Variants in AMPH observed in about 807,000 individuals in gnomAD.
AMPH encodes the protein amphiphysin (Stiff-Mann syndrome with breast cancer 128kD autoantigen).
A neutral mutation model predicts 99.1 loss-of-function variants in AMPH; 49 were observed. That is an observed-to-expected ratio of 0.49 (90% CI 0.39 to 0.63). The LOEUF (loss-of-function observed/expected upper bound fraction) is 0.63, where lower values mean the gene tolerates loss of function less well. AMPH is among the 20% of genes least tolerant of loss of function. AMPH has a pLI of 0.00. For synonymous variants in AMPH, 314 were observed against 317.3 expected (o/e 0.99, Z 0.11); for missense variants, 759 against 863.4 (o/e 0.88, Z 1.52).
intron 1 of AMPH, among the ~76,000 whole-genome samples, chr7:38,570,012 C>T (rs530988139): frequency 1.2e-4 from 18 of 152,236 alleles, no homozygotes; most frequent in African/African-American, 4.3e-4. Context: ...AAAAATCTTA[C>T]ACAACACTGT....
intron 12 of AMPH, among the ~76,000 whole-genome samples, chr7:38,435,317 C>A (rs578176064): frequency 6.6e-6 from 1 of 152,254 alleles, no homozygotes; most frequent in African/African-American, 2.4e-5. Context: ...TATTAAGGTT[C>A]ATATTGAGCC....
At chr7:38,440,974 T>C (rs1316892852) in intron 11 of AMPH, among the ~76,000 whole-genome samples, 1 of 152,000 alleles carries the variant, frequency 6.6e-6, no homozygotes, top group Non-Finnish European at 1.5e-5. Context: ...AAGGCAGAGA[T>C]TATCTAATTG....
At chr7:38,427,028 T>G (rs748661419) in intron 14 of AMPH, 42 bp from the exon 15 acceptor site, 9 of 1,571,418 alleles carry the variant, frequency 5.7e-6, no homozygotes, top group Non-Finnish European at 7.9e-6. Flanking sequence ...TATTTTTCAT[T>G]ATCATTTTGT....
intron 1 of AMPH, among the ~76,000 whole-genome samples, chr7:38,616,511 G>A (rs1407857222): frequency 6.6e-6 from 1 of 152,054 alleles, no homozygotes; most frequent in African/African-American, 2.4e-5. Context: ...ATAAATAAGT[G>A]GTTTTTTCTA....
intron 1 of AMPH, among the ~76,000 whole-genome samples, chr7:38,550,515 T>A (rs1791144460): frequency 6.6e-6 from 1 of 152,208 alleles, no homozygotes; most frequent in Non-Finnish European, 1.5e-5. Flanking sequence ...ACATGCATGA[T>A]CTCTGTTTCG....
chr7:38,427,890 G>A lies in AMPH; in HGVS notation c.1183-904C>T, dbSNP rs766607586. ...GTACAACAATCCATATCTCTGGTTA[G>A]CAATTTCATCTTCAGATAAATCTGA... On this transcript the variant is annotated intron_variant, in intron 14 of 20. Transcript: ENST00000356264. The A allele has an allele frequency of 2.2e-5, 10 of 456,662 alleles. 1 individual carries two copies. Among genetic ancestry groups the A allele is most frequent in the South Asian group, 1.5e-4 (10 of 64,554 alleles). 28.3% of individuals were successfully genotyped at this position (456,662 alleles called of 1,614,324 possible).
chr7:38,612,362 C>A (rs1448095368), intron 1 of AMPH, among the ~76,000 whole-genome samples: 1 of 152,020 alleles, frequency 6.6e-6, no homozygotes, highest in Non-Finnish European at 1.5e-5. Context: ...AGGCATGAAC[C>A]ACCGCACCCG....
At chr7:38,411,119 G>A (rs2128984650) in intron 17 of AMPH, among the ~76,000 whole-genome samples, 1 of 152,306 alleles carries the variant, frequency 6.6e-6, no homozygotes, top group African/African-American at 2.4e-5. Flanking sequence ...CTTTCTAGAT[G>A]TGTGATCTTG....
At chr7:38,473,063 C>T (rs1379334086) in intron 7 of AMPH, among the ~76,000 whole-genome samples, 1 of 152,150 alleles carries the variant, frequency 6.6e-6, no homozygotes, top group Non-Finnish European at 1.5e-5. Flanking sequence ...ATATCTGTCT[C>T]TTGGCAATTC....
chr7:38,478,078 AC>A (rs1788152068), intron 5 of AMPH, among the ~76,000 whole-genome samples: 1 of 151,870 alleles, frequency 6.6e-6, no homozygotes, highest in East Asian at 1.9e-4. Flanking sequence ...AAACAAACAA[AC>A]AAACAAACAA....
At chr7:38,584,462 G>A (rs564605628) in intron 1 of AMPH, among the ~76,000 whole-genome samples, 3 of 152,138 alleles carry the variant, frequency 2.0e-5, no homozygotes, top group African/African-American at 2.4e-5. Context: ...AGATGTCGCC[G>A]CAGTGAGGTT....
In AMPH at chr7:38,426,957, T is replaced by C. The variant is rs1188597316; in HGVS notation, c.1212A>G (p.Thr404=). The C allele has an allele frequency of 1.2e-6, 2 of 1,612,950 alleles. No homozygotes were observed. Among genetic ancestry groups the C allele is most frequent in the Non-Finnish European group, 1.7e-6 (2 of 1,179,290 alleles). ...PASGGSFNGF[T]QPQDTSLFTM... is the part of the protein sequence containing the mutation. ...TGTAAGAAAACAGATTCCTTACCTG[T>C]GTGAATCCATTAAATGAACCACCAG... The change falls in exon 15 of 21, where the codon ACA becomes ACG. Residue 404 remains threonine (T), a synonymous_variant. Transcript: ENST00000356264.
intron 1 of AMPH, among the ~76,000 whole-genome samples, chr7:38,615,998 G>T (rs1793858916): frequency 6.6e-6 from 1 of 152,124 alleles, no homozygotes; most frequent in African/African-American, 2.4e-5. Flanking sequence ...TACATGCAGG[G>T]AATACCACTC....
chr7:38,576,618 T>A (rs756813900), intron 1 of AMPH, among the ~76,000 whole-genome samples: 4 of 152,166 alleles, frequency 2.6e-5, no homozygotes, highest in Non-Finnish European at 5.9e-5. Flanking sequence ...TATCAGAATA[T>A]AGGAGATAAA....
At position 38,463,267 on chromosome 7, in the gene AMPH, T is replaced by C. The variant is rs1205223476; in HGVS notation, c.750-154A>G. ...GGTTAATTCTGGTTAATTGCAACAG[T>C]GATGGTGATAACTGGTACCATTTAT... On this transcript the variant is annotated intron_variant, in intron 9 of 20. Coordinates refer to ENST00000356264, the MANE Select transcript of AMPH (RefSeq NM_001635.4). 11 of 967,756 alleles carry C rather than the reference T, an allele frequency of 1.1e-5. No individual in the cohort carries two copies. In the Admixed American group the frequency reaches 1.2e-4, roughly 10 times the overall value. The allele number at this position is 967,756 out of a possible 1,614,324, so 59.9% of individuals were successfully genotyped here. A position where few individuals can be genotyped will look rare whatever the true frequency, so the allele number is the denominator to read the frequency against.
chr7:38,446,231 C>T (rs1315358585), intron 11 of AMPH, among the ~76,000 whole-genome samples: 1 of 152,194 alleles, frequency 6.6e-6, no homozygotes, highest in Admixed American at 6.5e-5. Context: ...GAAAATGGTA[C>T]AAACACTTCA....
At chr7:38,392,129 A>C (rs1584029427) in intron 18 of AMPH, 112 bp from the exon 19 acceptor site, 1 of 1,074,588 alleles carries the variant, frequency 9.3e-7, no homozygotes, top group Non-Finnish European at 1.3e-6. Context: ...CCACTTCCAT[A>C]CTTCCCCACT....
intron 1 of AMPH, among the ~76,000 whole-genome samples, chr7:38,611,271 A>C (rs576513470): frequency 6.6e-6 from 1 of 152,312 alleles, no homozygotes; most frequent in Non-Finnish European, 1.5e-5. Context: ...AATTCATAGA[A>C]TCAAAGAGTA....
intron 1 of AMPH, among the ~76,000 whole-genome samples, chr7:38,620,756 C>A (rs1794032014): frequency 6.6e-6 from 1 of 151,998 alleles, no homozygotes; most frequent in African/African-American, 2.4e-5. Context: ...CTCAACAAAT[C>A]CATGAAAGCA....
Sources: allele counts gnomAD v4.1 joint callset (sites outside exome capture counted in the v4.1 genomes callset), GRCh38; gene constraint gnomAD v4.1.1; transcripts MANE v1.5; gene names NCBI Gene and HGNC (gene_info 2026-07-23, HGNC 2026-07-21).